Variants in CRKL observed in about 807,000 individuals in gnomAD.
CRKL encodes crk-like protein.
Under a neutral mutation model 23.0 loss-of-function variants are expected in CRKL, and 3 were observed. The observed-to-expected ratio is 0.13, with a 90% CI of 0.06 to 0.34. The LOEUF is 0.34. CRKL is among the 10% of genes least tolerant of loss of function. The pLI is 1.00. For synonymous variants in CRKL, 188 were observed against 160.7 expected (o/e 1.17, Z -1.28); for missense variants, 256 against 394.5 (o/e 0.65, Z 2.97).
chr22:20,930,374 ATCT>A (rs1921396598), intron 1 of CRKL, among the ~76,000 whole-genome samples: 1 of 152,052 alleles, frequency 6.6e-6, no homozygotes, highest in Non-Finnish European at 1.5e-5. Context: ...GGGCTTGGCT[ATCT>A]TCTTTTTTTT....
rs1922329816 is a variant in CRKL at position 20,952,865 on chromosome 22, G to A, written c.*3020G>A. The A allele has an allele frequency of 4.3e-6, 1 of 231,678 alleles. No individual in the cohort carries two copies. The highest frequency in any genetic ancestry group is 6.1e-5 in the East Asian group (1 of 16,354). 14.4% of individuals were successfully genotyped at this position (231,678 alleles called of 1,614,324 possible). ...ACCACCTGATGACATGGTTAACGAG[G>A]AAGACGATGTGTTGACCGGCTGCCG... On this transcript the variant is annotated 3_prime_UTR_variant, in exon 3 of 3. Transcript: ENST00000354336.
rs117779512 is a variant in CRKL at position 20,952,173 on chromosome 22, G to C, written c.*2328G>C. Reference sequence around the variant, plus strand: ...ACGACCCTTAGGCCTTTTTCAACCAGATTTAGCTGAAGGGCTTGACACCTT... The same window carrying C: ...ACGACCCTTAGGCCTTTTTCAACCACATTTAGCTGAAGGGCTTGACACCTT... On this transcript the variant is annotated 3_prime_UTR_variant, in exon 3 of 3. Transcript: ENST00000354336. 7.2e-3 allele frequency: 1,645 copies of C among 228,174 alleles called. 16 individuals are homozygous for C. The highest frequency in any genetic ancestry group is 0.045 in the East Asian group (721 of 16,088). The allele number at this position is 228,174 out of a possible 1,614,324, so 14.1% of individuals were successfully genotyped here. A position where few individuals can be genotyped will look rare whatever the true frequency, so the allele number is the denominator to read the frequency against.
chr22:20,927,488 G>T, intron 1 of CRKL, among the ~76,000 whole-genome samples: 1 of 143,358 alleles, frequency 7.0e-6, no homozygotes, highest in East Asian at 2.2e-4. Flanking sequence ...CAGTCACCAC[G>T]CCCAGCTGGA....
At position 20,933,900 on chromosome 22, in the gene CRKL, A is replaced by G. The variant is rs770045446; in HGVS notation, c.433A>G (p.Lys145Glu). The G allele has an allele frequency of 6.2e-7, 1 of 1,614,150 alleles. No individual in the cohort carries two copies. Among genetic ancestry groups the G allele is most frequent in the South Asian group, 1.1e-5 (1 of 91,078 alleles). The change falls in exon 2 of 3, where the codon AAA (lysine) becomes GAA (glutamate). Residue 145 changes from lysine (K) to glutamate (E), a missense_variant. By Grantham distance (56) the Lys-to-Glu change is moderately conservative. This residue lies in a region of CRKL where 129 missense variants were observed against 222.1 expected (regional missense o/e 0.58). Coordinates refer to ENST00000354336, the MANE Select transcript of CRKL (RefSeq NM_005207.4). ...GAATGATGCCGAAGACCTGCCCTTT[A>G]AAAAGGGTGAGATCCTAGTGATAAT... ...PGNDAEDLPF[K>E]KGEILVIIEK... is the part of the protein sequence containing the mutation.
intron 2 of CRKL, among the ~76,000 whole-genome samples, chr22:20,943,770 A>G (rs1165275364): frequency 6.6e-6 from 1 of 152,128 alleles, no homozygotes; most frequent in East Asian, 1.9e-4. Context: ...AGGTGAGAAG[A>G]TTGCTTGAGC....
At chr22:20,930,085 C>T (rs1921383177) in intron 1 of CRKL, among the ~76,000 whole-genome samples, 2 of 152,032 alleles carry the variant, frequency 1.3e-5, no homozygotes, top group Non-Finnish European at 1.5e-5. Flanking sequence ...GATACTAACA[C>T]AGAAAATGAG....
At chr22:20,931,904 C>T (rs1569134230) in intron 1 of CRKL, among the ~76,000 whole-genome samples, 9 of 152,072 alleles carry the variant, frequency 5.9e-5, no homozygotes, top group South Asian at 2.1e-4. Context: ...CTCCGCCTCC[C>T]GGGCTCACAC....
intron 1 of CRKL, among the ~76,000 whole-genome samples, chr22:20,932,324 G>A (rs1245149233): frequency 1.3e-5 from 2 of 152,024 alleles, no homozygotes; most frequent in Non-Finnish European, 2.9e-5. Context: ...TGGACAGGCA[G>A]GTCTCCAAGT....
At chr22:20,923,465 G>A (rs1188488789) in intron 1 of CRKL, among the ~76,000 whole-genome samples, 3 of 151,842 alleles carry the variant, frequency 2.0e-5, no homozygotes, top group Admixed American at 2.0e-4. Context: ...TTTTAGTAGA[G>A]ACGGGGTTTC....
rs1243157638 is a variant in CRKL, at chr22:20,934,848, C to T, written c.777+604C>T. On this transcript the variant is annotated intron_variant, in intron 2 of 2. Coordinates refer to ENST00000354336, the MANE Select transcript of CRKL (RefSeq NM_005207.4). ...TTTTTTTTTGAGATGGAGTCTCACT[C>T]TGTCGCCCAGGCTGGAGTTCAGTGG... Among the ~76,000 whole-genome samples the T allele has an allele frequency of 2.6e-5, 3 of 115,002 alleles. No homozygotes were observed. In the East Asian group the frequency reaches 8.5e-4, roughly 32 times the overall value. The allele number at this position is 115,002 out of a possible 152,430, so 75.4% of individuals were successfully genotyped here.
chr22:20,949,010 A>G (rs564745215), intron 2 of CRKL, among the ~76,000 whole-genome samples: 1 of 152,234 alleles, frequency 6.6e-6, no homozygotes, highest in African/African-American at 2.4e-5. Context: ...GACTTTAACC[A>G]TTCTCAGAAT....
At chr22:20,930,612 C>A (rs1039121070) in intron 1 of CRKL, among the ~76,000 whole-genome samples, 1 of 150,792 alleles carries the variant, frequency 6.6e-6, no homozygotes, top group Non-Finnish European at 1.5e-5. Flanking sequence ...GAACTCCTGA[C>A]CTCAAGTGAT....
chr22:20,928,034 G>A (rs1449039422), intron 1 of CRKL, among the ~76,000 whole-genome samples: 1 of 150,318 alleles, frequency 6.7e-6, no homozygotes, highest in East Asian at 1.9e-4. Flanking sequence ...GTGGGGCCCT[G>A]TAATCCCAGC....
chr22:20,921,063 T>C (rs1456110072), intron 1 of CRKL, among the ~76,000 whole-genome samples: 2 of 152,356 alleles, frequency 1.3e-5, no homozygotes, highest in Non-Finnish European at 2.9e-5. Flanking sequence ...AGGTTTAACA[T>C]GTTATTAGCC....
intron 1 of CRKL, among the ~76,000 whole-genome samples, chr22:20,926,303 T>G (rs1324919500): frequency 1.3e-5 from 2 of 152,176 alleles, no homozygotes; most frequent in East Asian, 3.8e-4. Context: ...AAAGGAGAAC[T>G]GATGAGTTTT....
At chr22:20,931,713 G>T (rs1440714176) in intron 1 of CRKL, among the ~76,000 whole-genome samples, 1 of 152,182 alleles carries the variant, frequency 6.6e-6, no homozygotes, top group African/African-American at 2.4e-5. Context: ...TCTCTTCAAA[G>T]ATCGTAAACC....
rs970187632 is a variant in CRKL at position 20,951,214 on chromosome 22, C to G, written c.*1369C>G. 1.7e-5 allele frequency: 4 copies of G among 232,386 alleles called. No homozygotes were observed. The highest frequency in any genetic ancestry group is 3.4e-5 in the Non-Finnish European group (4 of 117,592). 14.4% of individuals were successfully genotyped at this position (232,386 alleles called of 1,614,324 possible). A position where few individuals can be genotyped will look rare whatever the true frequency, so the allele number is the denominator to read the frequency against. Reference sequence around the variant, plus strand: ...AGACCTCCGTGCCCAGGCCCAATCTCGTCAGGCTGCCAGAGAAAGTTGGTG... The same window carrying G: ...AGACCTCCGTGCCCAGGCCCAATCTGGTCAGGCTGCCAGAGAAAGTTGGTG... On this transcript the variant is annotated 3_prime_UTR_variant, in exon 3 of 3. Transcript: ENST00000354336.
Position 20,953,278 on chromosome 22 carries a change from A to G in CRKL, c.*3433A>G, listed in dbSNP as rs766601466. The G allele has an allele frequency of 3.5e-5, 8 of 231,314 alleles. No homozygotes were observed. Among genetic ancestry groups the G allele is most frequent in the East Asian group, 6.2e-5 (1 of 16,248 alleles). 14.3% of individuals were successfully genotyped at this position (231,314 alleles called of 1,614,324 possible). A position where few individuals can be genotyped will look rare whatever the true frequency, so the allele number is the denominator to read the frequency against. ...CTCCACCCTCTGCGACCGGAGGACT[A>G]TGCCCCTAGTAACTGCTGTCGGTGT... On this transcript the variant is annotated 3_prime_UTR_variant, in exon 3 of 3. Coordinates refer to ENST00000354336, the MANE Select transcript of CRKL (RefSeq NM_005207.4).
At chr22:20,945,428 C>T (rs1214705720) in intron 2 of CRKL, among the ~76,000 whole-genome samples, 1 of 151,976 alleles carries the variant, frequency 6.6e-6, no homozygotes, top group Non-Finnish European at 1.5e-5. Context: ...TTCCTCTTTT[C>T]CAAAAGCCCA....
Sources: gnomAD v4.1 joint callset for allele counts (sites outside exome capture counted in the v4.1 genomes callset) on GRCh38, gnomAD v4.1.1 for gene constraint, gnomAD v4.1.1 regional missense constraint, MANE v1.5 for transcripts, NCBI Gene and HGNC (gene_info 2026-07-23, HGNC 2026-07-21) for gene names.